Variants in BTRC observed in about 807,000 individuals in gnomAD.
BTRC encodes the protein F-box/WD repeat-containing protein 1A.
A neutral mutation model predicts 85.5 loss-of-function variants in BTRC; 42 were observed. The observed-to-expected ratio is 0.49, with a 90% CI of 0.38 to 0.64. The LOEUF is 0.64. Ranked by LOEUF, BTRC falls within the 30% of genes least tolerant of loss-of-function variation. The pLI, the probability that BTRC is intolerant of heterozygous loss-of-function variation, is 0.00. For missense variants in BTRC, 594 were observed against 743.5 expected, an observed-to-expected ratio of 0.80 and a Z score of 2.34; for synonymous variants, 255 against 263.3, an observed-to-expected ratio of 0.97 and a Z score of 0.30.
At chr10:101,381,439 ACTGTT>A (rs1311893667) in intron 1 of BTRC, among the ~76,000 whole-genome samples, 2 of 152,216 alleles carry the variant, frequency 1.3e-5, no homozygotes, top group African/African-American at 4.8e-5. Context: ...AATAACAATA[ACTGTT>A]CTATCTACTG....
intron 8 of BTRC, 78 bp from the exon 9 acceptor site, chr10:101,532,874 A>G (rs576027147): frequency 1.7e-6 from 2 of 1,158,206 alleles, no homozygotes; most frequent in East Asian, 2.4e-5. Context: ...TTGGGGGATC[A>G]GACACGTAAT....
At chr10:101,443,006 C>T (rs553627146) in intron 2 of BTRC, among the ~76,000 whole-genome samples, 2 of 151,192 alleles carry the variant, frequency 1.3e-5, no homozygotes, top group African/African-American at 2.4e-5. Flanking sequence ...CTCAGCCTCT[C>T]GAGTAGCTGG....
chr10:101,514,065 G>T (rs746204869), intron 4 of BTRC, among the ~76,000 whole-genome samples: 3 of 152,084 alleles, frequency 2.0e-5, no homozygotes, highest in Non-Finnish European at 4.4e-5. Flanking sequence ...GGCATCTGTG[G>T]ATCTTTTTTT....
intron 4 of BTRC, among the ~76,000 whole-genome samples, chr10:101,481,016 T>C (rs1265838851): frequency 6.6e-6 from 1 of 152,208 alleles, no homozygotes; most frequent in Non-Finnish European, 1.5e-5. Flanking sequence ...CCTCCAGGGC[T>C]CAAGCCCTGA....
intron 1 of BTRC, among the ~76,000 whole-genome samples, chr10:101,367,548 T>A (rs535764188): frequency 6.6e-6 from 1 of 152,288 alleles, no homozygotes; most frequent in African/African-American, 2.4e-5. Flanking sequence ...ATTATCTAGA[T>A]CAGGAATAGA....
chr10:101,402,223 A>T (rs1943511109), intron 1 of BTRC, among the ~76,000 whole-genome samples: 1 of 152,148 alleles, frequency 6.6e-6, no homozygotes, highest in South Asian at 2.1e-4. Flanking sequence ...AAAGCATATT[A>T]TTTACACAAT....
At chr10:101,475,193 C>T (rs1945645047) in intron 3 of BTRC, among the ~76,000 whole-genome samples, 1 of 152,082 alleles carries the variant, frequency 6.6e-6, no homozygotes, top group South Asian at 2.1e-4. Context: ...ATAATTTTTA[C>T]TTAAATTATA....
At chr10:101,424,587 G>T (rs536684752) in intron 1 of BTRC, among the ~76,000 whole-genome samples, 1 of 152,266 alleles carries the variant, frequency 6.6e-6, no homozygotes, top group South Asian at 2.1e-4. Context: ...AGGAGATTTT[G>T]TCATTCAGCT....
intron 1 of BTRC, among the ~76,000 whole-genome samples, chr10:101,361,220 C>T (rs1942196307): frequency 6.6e-6 from 1 of 152,176 alleles, no homozygotes; most frequent in African/African-American, 2.4e-5. Context: ...AGTTCTCCTG[C>T]CTCAGCCTCC....
intron 1 of BTRC, among the ~76,000 whole-genome samples, chr10:101,364,004 A>G (rs1160878948): frequency 6.6e-6 from 1 of 152,168 alleles, no homozygotes; most frequent in Non-Finnish European, 1.5e-5. Context: ...TGGATGATCT[A>G]AACTTGGCTT....
In BTRC at chr10:101,554,450, T is replaced by C. The variant is rs1564844869; in HGVS notation, c.*1327T>C. On this transcript the variant is annotated 3_prime_UTR_variant, in exon 15 of 15. Coordinates refer to ENST00000370187, the MANE Select transcript of BTRC (RefSeq NM_033637.4). ...TTTTGTTTTGTTTTGGCCAGTTAAA[T>C]ATCATCTCTCAAATATTGATCTCAC... 1 of 152,642 alleles carries C rather than the reference T, an allele frequency of 6.6e-6. No homozygotes were observed. The highest frequency in any genetic ancestry group is 1.5e-5 in the Non-Finnish European group (1 of 68,052). 9.5% of individuals were successfully genotyped at this position (152,642 alleles called of 1,614,324 possible).
intron 1 of BTRC, among the ~76,000 whole-genome samples, chr10:101,393,052 C>T (rs1943277225): frequency 6.6e-6 from 1 of 152,082 alleles, no homozygotes; most frequent in Non-Finnish European, 1.5e-5. Flanking sequence ...GATTGTGGAT[C>T]TTAAGACCCT....
chr10:101,478,624 C>CTACAAAAAA (rs1241374124), intron 3 of BTRC, among the ~76,000 whole-genome samples: 1 of 151,476 alleles, frequency 6.6e-6, no homozygotes, highest in Non-Finnish European at 1.5e-5. Flanking sequence ...AACCCCATCT[C>CTACAAAAAA]TACAAAAAAT....
rs75286274 is a variant in BTRC at position 101,462,640 on chromosome 10, T to C, written c.234+582T>C. 5.4e-5 allele frequency among the ~76,000 whole-genome samples: 8 copies of C among 147,906 alleles called. No individual in the cohort carries two copies. The East Asian group carries it at 1.2e-3, about 22-fold the overall frequency. ...GTTGCGGTGAGCTGAGATTGCGCCA[T>C]TGCACTCCAGCCTGGGCAACAAGAG... On this transcript the variant is annotated intron_variant, in intron 3 of 14. Coordinates refer to ENST00000370187, the MANE Select transcript of BTRC (RefSeq NM_033637.4).
intron 4 of BTRC, among the ~76,000 whole-genome samples, chr10:101,518,968 A>T (rs1336172984): frequency 2.0e-5 from 3 of 151,536 alleles, no homozygotes; most frequent in Non-Finnish European, 4.4e-5. Context: ...TGTGGCACAT[A>T]GTGGCTGGGT....
intron 1 of BTRC, among the ~76,000 whole-genome samples, chr10:101,394,639 A>C (rs11190989): frequency 0.36 from 54,855 of 152,006 alleles, 10,991 homozygotes; most frequent in Middle Eastern, 0.48. Flanking sequence ...AGAAGAAATA[A>C]AGAAGTCCCT....
intron 4 of BTRC, among the ~76,000 whole-genome samples, chr10:101,488,110 A>AT (rs1474260802): frequency 6.6e-6 from 1 of 152,160 alleles, no homozygotes; most frequent in Non-Finnish European, 1.5e-5. Context: ...GAGGAATTAC[A>AT]TTTTTTAAAG....
chr10:101,411,227 C>G (rs1943769596), intron 1 of BTRC, among the ~76,000 whole-genome samples: 1 of 152,052 alleles, frequency 6.6e-6, no homozygotes, highest in South Asian at 2.1e-4. Context: ...CTCCTGACCT[C>G]AAGAAATCTA....
chr10:101,536,531 T>A lies in BTRC; in HGVS notation c.1467-12T>A. The stretch of plus-strand genomic sequence containing the variant: ...TACGTGAAAATTCACCTGACTTAAT[T>A]TTCTCTTCCAGATTATGGGACATAG... On this transcript the variant is annotated splice_polypyrimidine_tract_variant and intron_variant, in intron 11 of 14. Coordinates refer to ENST00000370187, the MANE Select transcript of BTRC (RefSeq NM_033637.4). The A allele has an allele frequency of 6.3e-7, 1 of 1,597,510 alleles. No homozygotes were observed. Among genetic ancestry groups the A allele is most frequent in the Non-Finnish European group, 8.6e-7 (1 of 1,165,204 alleles).
Sources: allele counts gnomAD v4.1 joint callset (sites outside exome capture counted in the v4.1 genomes callset), GRCh38; gene constraint gnomAD v4.1.1; transcripts MANE v1.5; gene names NCBI Gene and HGNC (gene_info 2026-07-23, HGNC 2026-07-21).